TRIM3: variants seen among roughly 807,000 people sequenced by gnomAD.
TRIM3 encodes the protein tripartite motif-containing protein 3.
Under a neutral mutation model 66.6 loss-of-function variants are expected in TRIM3, and 13 were observed. The ratio of observed to expected loss-of-function variants is 0.20; its 90% CI spans 0.13 to 0.31. TRIM3 has a LOEUF of 0.31. Among genes scored for constraint, TRIM3 ranks in the 10% least tolerant of loss-of-function variants. TRIM3 has a pLI of 1.00. For synonymous variants in TRIM3, 406 were observed against 411.7 expected (o/e 0.99, Z 0.17); for missense variants, 711 against 1,020.4 (o/e 0.70, Z 4.13).
At chr11:6,466,270 G>A (rs1431316795) in intron 1 of TRIM3, among the ~76,000 whole-genome samples, 2 of 152,166 alleles carry the variant, frequency 1.3e-5, no homozygotes, top group African/African-American at 4.8e-5. Context: ...GGTCGGGATT[G>A]CTTCCTGAAT....
At position 6,451,237 on chromosome 11, in the gene TRIM3, A is replaced by T. The variant is rs771729036; in HGVS notation, c.1701+34T>A. 6 of 1,613,336 alleles carry T rather than the reference A, an allele frequency of 3.7e-6. 1 individual carries two copies. The South Asian group carries it at 6.6e-5, about 18-fold the overall frequency. On this transcript the variant is annotated intron_variant, in intron 8 of 11. Coordinates refer to ENST00000345851, the MANE Select transcript of TRIM3 (RefSeq NM_033278.4). ...ACTAGACTGGTCAGTTCAGCTGGACACCAGGGTAAGTAAAGTGACAGCAGG... is the reference window on the plus strand; with the variant it reads ...ACTAGACTGGTCAGTTCAGCTGGACTCCAGGGTAAGTAAAGTGACAGCAGG...
At position 6,457,417 on chromosome 11, in the gene TRIM3, T is replaced by C. The variant is rs151281368; in HGVS notation, c.575A>G (p.Glu192Gly). The change falls in exon 5 of 12, where the codon GAG becomes GGG. Residue 192 changes from glutamate (E) to glycine (G), a missense_variant. Physicochemically the swap from Glu to Gly is moderately conservative, Grantham distance 98 (BLOSUM62 -2). Coordinates refer to ENST00000345851, the MANE Select transcript of TRIM3 (RefSeq NM_033278.4). The surrounding 1 kb of genome is among the most constrained non-coding windows in gnomAD (Gnocchi z 4.5). Reference protein sequence around the residue: ...LVGGISQQLQERKAEALAQIS... With the variant: ...LVGGISQQLQGRKAEALAQIS... ...CTGGGCCAGGGCCTCTGCCTTGCGC[T>C]CCTGCAGCTGCTGGCTGATGCCCCC... The C allele has an allele frequency of 1.5e-5, 24 of 1,613,554 alleles. No individual in the cohort carries two copies. The African/African-American group carries it at 2.3e-4, about 15-fold the overall frequency.
intron 7 of TRIM3, 133 bp downstream of exon 7, chr11:6,455,939 A>T: frequency 1.2e-6 from 1 of 850,034 alleles, no homozygotes; most frequent in Non-Finnish European, 1.8e-6. Context: ...CCTTTGATTC[A>T]CTGCTCTTAA....
chr11:6,461,044 T>C (rs1850214475), intron 2 of TRIM3, among the ~76,000 whole-genome samples: 1 of 151,954 alleles, frequency 6.6e-6, no homozygotes, highest in Non-Finnish European at 1.5e-5. Flanking sequence ...CAGCTGGGAT[T>C]ATAGGCTCAC....
intron 1 of TRIM3, among the ~76,000 whole-genome samples, chr11:6,471,904 C>T (rs966833469): frequency 9.9e-5 from 15 of 152,044 alleles, no homozygotes; most frequent in Non-Finnish European, 1.5e-4. Flanking sequence ...GATTGCAAAT[C>T]TCCAAAAGGC....
chr11:6,457,795 C>T lies in TRIM3; in HGVS notation c.416G>A (p.Arg139His). ...GCCATGCTCACGATGCTCCCCGGCG[C>T]GGCACTCACCACACATGGCCGTCTC... ...ACETAMCGEC[R>H]AGEHREHGTV... Residue 139 changes from arginine (R) to histidine (H), a missense_variant, in exon 4 of 12, where the codon CGC becomes CAC. Physicochemically the swap from Arg to His is conservative, Grantham distance 29. Transcript: ENST00000345851. The surrounding 1 kb of genome is among the most constrained non-coding windows in gnomAD (Gnocchi z 4.5). 2 of 1,614,206 alleles carry T rather than the reference C, an allele frequency of 1.2e-6. No homozygotes were observed. The highest frequency in any genetic ancestry group is 1.7e-6 in the Non-Finnish European group (2 of 1,180,024).
intron 1 of TRIM3, chr11:6,472,942 G>A (rs1281596522): frequency 6.6e-6 from 1 of 152,478 alleles, no homozygotes; most frequent in African/African-American, 2.4e-5. Context: ...ACTGGCCAAG[G>A]GAGACCTGTG....
Position 6,449,734 on chromosome 11 carries a change from T to C in TRIM3, c.1942-288A>G. ...CCACCCAGCTGGCCATGAGTCACTC[T>C]TGACTCCAATTTCTTCTCTGTTTGA... On this transcript the variant is annotated intron_variant, in intron 10 of 11. Coordinates refer to ENST00000345851, the MANE Select transcript of TRIM3 (RefSeq NM_033278.4). The surrounding 1 kb of genome is among the most constrained non-coding windows in gnomAD (Gnocchi z 5.3). 1.4e-5 allele frequency: 5 copies of C among 358,946 alleles called. No homozygotes were observed. The highest frequency in any genetic ancestry group is 2.5e-5 in the Non-Finnish European group (5 of 196,826). 22.2% of individuals were successfully genotyped at this position (358,946 alleles called of 1,614,324 possible).
chr11:6,454,446 C>T (rs1304703107), intron 7 of TRIM3, among the ~76,000 whole-genome samples: 1 of 151,456 alleles, frequency 6.6e-6, no homozygotes, highest in Non-Finnish European at 1.5e-5. Context: ...GACAAAGTGG[C>T]ACTTGTTTTT....
chr11:6,471,765 G>A (rs1850692780), intron 1 of TRIM3, among the ~76,000 whole-genome samples: 2 of 152,156 alleles, frequency 1.3e-5, no homozygotes, highest in South Asian at 4.1e-4. Context: ...GAATAAAGAA[G>A]GCTTCCAGAG....
rs1001052944 is a variant in TRIM3, at chr11:6,458,096, C to T, written c.332G>A (p.Arg111His). ...DPHPLSVVAG[R>H]PLSCPNHEGK... ...TTCATGGTTGGGGCAGGAGAGAGGG[C>T]GGCCAGCCACTACACTGAGGGGGTG... The change falls in exon 3 of 12, where the codon CGC becomes CAC. Residue 111 changes from arginine (R) to histidine (H), a missense_variant. By Grantham distance (29) the Arg-to-His change is conservative. Around this residue, in one of 3 missense-constraint regions of TRIM3, gnomAD observed 149 missense variants for 240.3 expected, o/e 0.62. Coordinates refer to ENST00000345851, the MANE Select transcript of TRIM3 (RefSeq NM_033278.4). The surrounding 1 kb of genome is among the most constrained non-coding windows in gnomAD (Gnocchi z 6.2). The T allele has an allele frequency of 5.0e-6, 8 of 1,610,196 alleles. No homozygotes were observed. Among genetic ancestry groups the T allele is most frequent in the Non-Finnish European group, 5.9e-6 (7 of 1,179,060 alleles).
rs1466875234 is a variant in TRIM3, at chr11:6,448,726, T to C, written c.*302A>G. 3.3e-6 allele frequency: 2 copies of C among 611,554 alleles called. No individual in the cohort carries two copies. Among genetic ancestry groups the C allele is most frequent in the African/African-American group, 1.8e-5 (1 of 54,254 alleles). 37.9% of individuals were successfully genotyped at this position (611,554 alleles called of 1,614,324 possible). ...ACTCCTGTCCTGGGGTAGGCTGTTC[T>C]GGCCCCAGGCTGGGGGATGGGGAGC... On this transcript the variant is annotated 3_prime_UTR_variant, in exon 12 of 12. Coordinates refer to ENST00000345851, the MANE Select transcript of TRIM3 (RefSeq NM_033278.4).
Position 6,458,381 on chromosome 11 carries a change from C to A in TRIM3, c.132-85G>T. 1 of 1,094,368 alleles carries A rather than the reference C, an allele frequency of 9.1e-7. No individual in the cohort carries two copies. Among genetic ancestry groups the A allele is most frequent in the Non-Finnish European group, 1.3e-6 (1 of 741,602 alleles). The allele number at this position is 1,094,368 out of a possible 1,614,324, so 67.8% of individuals were successfully genotyped here. On this transcript the variant is annotated intron_variant, in intron 2 of 11. Transcript: ENST00000345851. The surrounding 1 kb of genome is among the most constrained non-coding windows in gnomAD (Gnocchi z 6.2). ...TTATACTTCCCATGGGTGCCAACCC[C>A]TTCCCTCACAGGTGTGCCATTACAC...
At chr11:6,473,739 C>T (rs1185457900) in intron 1 of TRIM3, 52 bp downstream of exon 1, 1 of 152,518 alleles carries the variant, frequency 6.6e-6, no homozygotes, top group Admixed American at 6.5e-5. Flanking sequence ...CGACCCAGAC[C>T]CGGGCTGACA....
At chr11:6,462,400 T>C (rs78296120) in intron 2 of TRIM3, among the ~76,000 whole-genome samples, 3 of 149,948 alleles carry the variant, frequency 2.0e-5, no homozygotes, top group African/African-American at 7.5e-5. Context: ...GAAATATTTC[T>C]TTTTTTTTAT....
chr11:6,455,991 C>A, intron 7 of TRIM3, 81 bp downstream of exon 7: 1 of 1,369,750 alleles, frequency 7.3e-7, no homozygotes, highest in Non-Finnish European at 1.0e-6. Flanking sequence ...CAGGAGGTGA[C>A]CTGTACATTC....
At chr11:6,454,386 C>A (rs868387788) in intron 7 of TRIM3, among the ~76,000 whole-genome samples, 181 of 129,172 alleles carry the variant, frequency 1.4e-3, no homozygotes, top group Non-Finnish European at 1.6e-3. Flanking sequence ...GACCCTGTCT[C>A]AAAAAAAAAA....
chr11:6,463,073 C>T (rs932089883), intron 2 of TRIM3, among the ~76,000 whole-genome samples: 1 of 151,890 alleles, frequency 6.6e-6, no homozygotes, highest in African/African-American at 2.4e-5. Context: ...GATGTGGTGG[C>T]GTGCGCCTGT....
chr11:6,471,152 T>C (rs148993071), intron 1 of TRIM3, among the ~76,000 whole-genome samples: 1 of 152,304 alleles, frequency 6.6e-6, no homozygotes, highest in East Asian at 1.9e-4. Context: ...AATTCTCAAA[T>C]AGCATTAATT....
Sources: gnomAD v4.1 joint callset for allele counts (sites outside exome capture counted in the v4.1 genomes callset) on GRCh38, gnomAD v4.1.1 for gene constraint, gnomAD v4.1.1 regional missense constraint, Gnocchi (gnomAD v3.1) non-coding constraint, MANE v1.5 for transcripts, NCBI Gene and HGNC (gene_info 2026-07-23, HGNC 2026-07-21) for gene names.